The following TTC7B variants were observed in gnomAD, a reference collection of about 807,000 sequenced individuals.
The protein encoded by TTC7B is tetratricopeptide repeat domain 7B.
A neutral mutation model predicts 106.8 loss-of-function variants in TTC7B; 28 were observed. The observed-to-expected ratio is 0.26, with a 90% CI of 0.19 to 0.36. TTC7B has a LOEUF of 0.36. Ranked by LOEUF, TTC7B falls within the 10% of genes least tolerant of loss-of-function variation. The probability of loss-of-function intolerance (pLI) is 1.00; values close to 1 mark genes in which losing one functional copy is unlikely to be tolerated. For synonymous variants in TTC7B, 405 were observed against 430.6 expected, an observed-to-expected ratio of 0.94 and a Z score of 0.74; for missense variants, 862 against 1,076.4, an observed-to-expected ratio of 0.80 and a Z score of 2.79.
At chr14:90,550,053 A>G (rs1890010798) in intron 19 of TTC7B, among the ~76,000 whole-genome samples, 2 of 152,202 alleles carry the variant, frequency 1.3e-5, no homozygotes, top group Admixed American at 1.3e-4. Flanking sequence ...TCCCTGAAAG[A>G]ATACACCGCC....
rs914013987 is a variant in TTC7B, at chr14:90,596,651, G to A, written c.1967-3025C>T. Among the ~76,000 whole-genome samples the A allele has an allele frequency of 2.0e-5, 3 of 152,146 alleles. No individual in the cohort carries two copies. The South Asian group carries it at 6.2e-4, about 32-fold the overall frequency. ...CTCCCTACAATAAGTGAGACTCTCTGGTCCTTGGTGCTTCTATGTGGTTGT... is the reference window on the plus strand; with the variant it reads ...CTCCCTACAATAAGTGAGACTCTCTAGTCCTTGGTGCTTCTATGTGGTTGT... On this transcript the variant is annotated intron_variant, in intron 17 of 19. Transcript: ENST00000328459.
At chr14:90,674,733 A>T (rs1446751769) in intron 9 of TTC7B, among the ~76,000 whole-genome samples, 1 of 152,266 alleles carries the variant, frequency 6.6e-6, no homozygotes, top group African/African-American at 2.4e-5. Context: ...AAGATAAAAC[A>T]CAGATATGGT....
rs1045287729 is a variant in TTC7B, at chr14:90,539,632, C to T, written c.*1736G>A. On this transcript the variant is annotated 3_prime_UTR_variant, in exon 20 of 20. Coordinates refer to ENST00000328459, the MANE Select transcript of TTC7B (RefSeq NM_001010854.2). ...TCGTGCCCAGTTTGAATGCAGTCCT[C>T]TAGGCTTCAGGGCACCTAAGTTCAG... 2.6e-5 allele frequency: 4 copies of T among 152,328 alleles called. No homozygotes were observed. Among genetic ancestry groups the T allele is most frequent in the African/African-American group, 9.7e-5 (4 of 41,448 alleles). 9.4% of individuals were successfully genotyped at this position (152,328 alleles called of 1,614,324 possible).
At position 90,536,270 on chromosome 14, in the gene TTC7B, C is replaced by A. The variant is rs1428661186; in HGVS notation, c.*5098G>T. 6.5e-6 allele frequency: 1 copy of A among 154,564 alleles called. No individual in the cohort carries two copies. The highest frequency in any genetic ancestry group is 1.5e-5 in the Non-Finnish European group (1 of 68,758). The allele number at this position is 154,564 out of a possible 1,614,324, so 9.6% of individuals were successfully genotyped here. Reference sequence around the variant, plus strand: ...ATCTCTTCATTTCCCAGCCTGTAAACCCCGCCAGCCCCGGAGCTCAGCCCT... The same window carrying A: ...ATCTCTTCATTTCCCAGCCTGTAAAACCCGCCAGCCCCGGAGCTCAGCCCT... On this transcript the variant is annotated 3_prime_UTR_variant, in exon 20 of 20. Transcript: ENST00000328459.
chr14:90,654,154 G>A (rs571919745), intron 12 of TTC7B, among the ~76,000 whole-genome samples: 115 of 152,256 alleles, frequency 7.6e-4, no homozygotes, highest in African/African-American at 9.9e-4. Context: ...GTATTTCCTC[G>A]TAAGGGAGAG....
chr14:90,574,808 C>T (rs1344788977), intron 19 of TTC7B, among the ~76,000 whole-genome samples: 1 of 152,166 alleles, frequency 6.6e-6, no homozygotes, highest in Non-Finnish European at 1.5e-5. Context: ...ACTGCTTGTC[C>T]CCTGGCTCCT....
rs61004977 is a variant in TTC7B, at chr14:90,535,154, G to A, written c.*6214C>T. ...GCCCTGGCCACAGCCCAGGGCCCAG[G>A]ACCTGGAAGGAGGCAGAGAGACAGA... On this transcript the variant is annotated 3_prime_UTR_variant, in exon 20 of 20. Transcript: ENST00000328459. 903 of 152,482 alleles carry A rather than the reference G, an allele frequency of 5.9e-3. 11 individuals are homozygous for A. Among genetic ancestry groups the A allele is most frequent in the African/African-American group, 0.02 (830 of 41,514 alleles). 9.4% of individuals were successfully genotyped at this position (152,482 alleles called of 1,614,324 possible). A position where few individuals can be genotyped will look rare whatever the true frequency, so the allele number is the denominator to read the frequency against.
chr14:90,661,419 CG>C (rs1349366804), intron 9 of TTC7B, among the ~76,000 whole-genome samples: 1 of 151,966 alleles, frequency 6.6e-6, no homozygotes, highest in African/African-American at 2.4e-5. Context: ...GACAGGGTGG[CG>C]GGAGAGACGT....
intron 1 of TTC7B, among the ~76,000 whole-genome samples, 198 bp downstream of exon 1, chr14:90,815,977 C>T (rs543602416): frequency 6.6e-6 from 1 of 151,700 alleles, no homozygotes; most frequent in Non-Finnish European, 1.5e-5. Context: ...TGGCGCCCCC[C>T]CGGGCCCCCA....
intron 17 of TTC7B, among the ~76,000 whole-genome samples, chr14:90,605,333 G>A (rs1205470758): frequency 6.6e-6 from 1 of 152,198 alleles, no homozygotes; most frequent in Non-Finnish European, 1.5e-5. Context: ...CCAAGGATTA[G>A]AGGCAATATT....
At chr14:90,766,203 T>C (rs531949365) in intron 3 of TTC7B, among the ~76,000 whole-genome samples, 159 of 151,038 alleles carry the variant, frequency 1.1e-3, no homozygotes, top group African/African-American at 3.8e-3. Flanking sequence ...TTTCCAGAGT[T>C]ACCACATTAT....
Position 90,657,489 on chromosome 14 carries a change from T to C in TTC7B, c.1237-211A>G. 1 of 468,418 alleles carries C rather than the reference T, an allele frequency of 2.1e-6. No individual in the cohort carries two copies. The highest frequency in any genetic ancestry group is 3.8e-6 in the Non-Finnish European group (1 of 263,128). The allele number at this position is 468,418 out of a possible 1,614,324, so 29.0% of individuals were successfully genotyped here. On this transcript the variant is annotated intron_variant, in intron 10 of 19. Coordinates refer to ENST00000328459, the MANE Select transcript of TTC7B (RefSeq NM_001010854.2). The surrounding 1 kb of genome is among the most constrained non-coding windows in gnomAD (Gnocchi z 4.2). ...ACACTGGGTTAAAAGCCAGCAGGAA[T>C]GCTTCTCTGGCGCCACCTGAATTTC...
chr14:90,709,054 G>A (rs1330782595), intron 5 of TTC7B, among the ~76,000 whole-genome samples: 7 of 151,808 alleles, frequency 4.6e-5, no homozygotes, highest in African/African-American at 1.7e-4. Context: ...TGGAGAGGAT[G>A]TGGAGAAATA....
chr14:90,610,987 C>G, intron 16 of TTC7B, 148 bp from the exon 17 acceptor site: 1 of 669,090 alleles, frequency 1.5e-6, no homozygotes, highest in Non-Finnish European at 2.7e-6. Context: ...AGGAGGCATC[C>G]TGCTTCCTGG....
intron 7 of TTC7B, among the ~76,000 whole-genome samples, chr14:90,682,283 T>C (rs1887081623): frequency 6.6e-6 from 1 of 152,216 alleles, no homozygotes; most frequent in Non-Finnish European, 1.5e-5. Context: ...TAGTTTGTGT[T>C]ATTTTTACCA....
intron 19 of TTC7B, among the ~76,000 whole-genome samples, chr14:90,554,537 T>C (rs112332366): frequency 1.8e-3 from 267 of 152,320 alleles, no homozygotes; most frequent in African/African-American, 6.3e-3. Context: ...ACCAATGTCC[T>C]GGTGCTGTGC....
chr14:90,702,052 C>G (rs1888013783), intron 5 of TTC7B, among the ~76,000 whole-genome samples: 1 of 152,144 alleles, frequency 6.6e-6, no homozygotes, highest in African/African-American at 2.4e-5. Flanking sequence ...ACCCGGGAAT[C>G]CATATGTTTA....
chr14:90,595,149 T>C (rs1326739813), intron 17 of TTC7B, among the ~76,000 whole-genome samples: 2 of 151,902 alleles, frequency 1.3e-5, no homozygotes, highest in East Asian at 1.9e-4. Flanking sequence ...TTGGCTAACA[T>C]GGTGAAACCC....
chr14:90,590,984 C>T (rs1455514826), intron 18 of TTC7B, among the ~76,000 whole-genome samples: 1 of 152,198 alleles, frequency 6.6e-6, no homozygotes, highest in African/African-American at 2.4e-5. Flanking sequence ...GAGAACTTGA[C>T]TCTGTCCTAT....
Sources: allele counts gnomAD v4.1 joint callset (sites outside exome capture counted in the v4.1 genomes callset), GRCh38; gene constraint gnomAD v4.1.1; non-coding constraint Gnocchi (gnomAD v3.1); transcripts MANE v1.5; gene names NCBI Gene and HGNC (gene_info 2026-07-23, HGNC 2026-07-21).